The following OLFM3 variants were observed in gnomAD, a reference collection of about 807,000 sequenced individuals.
OLFM3 encodes noelin-3.
In OLFM3, 20 loss-of-function variants were observed where a neutral mutation model predicts 48.6. The ratio of observed to expected loss-of-function variants is 0.41; its 90% CI spans 0.29 to 0.60. The LOEUF is 0.60. OLFM3 is among the 20% of genes least tolerant of loss of function. OLFM3 has a pLI of 0.28. For missense variants in OLFM3, 437 were observed against 544.3 expected (o/e 0.80, Z 1.96); for synonymous variants, 222 against 198.1 (o/e 1.12, Z -1.01).
At chr1:101,832,163 A>G (rs1655188071) in intron 2 of OLFM3, among the ~76,000 whole-genome samples, 1 of 152,242 alleles carries the variant, frequency 6.6e-6, no homozygotes, top group Non-Finnish European at 1.5e-5. Context: ...TGCTGGGATT[A>G]CAGGTGTGAG....
chr1:101,850,350 CT>C (rs1656176308), intron 1 of OLFM3, among the ~76,000 whole-genome samples: 1 of 151,728 alleles, frequency 6.6e-6, no homozygotes. Flanking sequence ...GTAGCCTGTC[CT>C]TTTTATTACC....
intron 1 of OLFM3, among the ~76,000 whole-genome samples, chr1:101,916,585 G>T (rs935722106): frequency 1.3e-5 from 2 of 152,068 alleles, no homozygotes; most frequent in Non-Finnish European, 2.9e-5. Context: ...TACAATTAGA[G>T]CAACTGTAGT....
intron 1 of OLFM3, among the ~76,000 whole-genome samples, chr1:101,909,623 A>G (rs1030635641): frequency 5.3e-5 from 8 of 152,228 alleles, no homozygotes; most frequent in African/African-American, 1.9e-4. Flanking sequence ...CATTCTGCAT[A>G]TAAGTGTGAG....
chr1:101,915,052 C>T (rs1658876790), intron 1 of OLFM3, among the ~76,000 whole-genome samples: 1 of 152,004 alleles, frequency 6.6e-6, no homozygotes, highest in Admixed American at 6.6e-5. Context: ...TCAAGAGCTC[C>T]AAAAATTATA....
chr1:101,828,673 C>G (rs889442764), intron 3 of OLFM3, among the ~76,000 whole-genome samples: 4 of 152,148 alleles, frequency 2.6e-5, no homozygotes, highest in African/African-American at 9.7e-5. Context: ...CATTCCCCAG[C>G]CCTGTCAACC....
intron 1 of OLFM3, among the ~76,000 whole-genome samples, chr1:101,941,207 G>A (rs377478390): frequency 6.6e-6 from 1 of 152,124 alleles, no homozygotes. Flanking sequence ...GATCAACCAC[G>A]GCAGTGGCAG....
At chr1:101,832,705 T>C (rs1258449417) in intron 2 of OLFM3, among the ~76,000 whole-genome samples, 1 of 152,200 alleles carries the variant, frequency 6.6e-6, no homozygotes, top group Admixed American at 6.5e-5. Context: ...TAAAATTATC[T>C]TGGGTTTGTA....
chr1:101,958,838 T>TATAC (rs1553183324), intron 1 of OLFM3, among the ~76,000 whole-genome samples: 1,023 of 20,360 alleles, frequency 0.05, 2 homozygotes, highest in Non-Finnish European at 0.07. Context: ...AGTGATATTA[T>TATAC]ATATATATAT....
chr1:101,878,203 AT>A (rs1557712934), intron 1 of OLFM3, among the ~76,000 whole-genome samples: 2 of 151,802 alleles, frequency 1.3e-5, no homozygotes, highest in African/African-American at 4.8e-5. Context: ...TGTGGGTACT[AT>A]TTTTTTAATT....
chr1:101,851,994 A>T (rs1656238975), intron 1 of OLFM3, among the ~76,000 whole-genome samples: 2 of 152,014 alleles, frequency 1.3e-5, no homozygotes, highest in Non-Finnish European at 2.9e-5. Flanking sequence ...TTCTTGGCCC[A>T]CCCTTTGAGT....
intron 1 of OLFM3, among the ~76,000 whole-genome samples, chr1:101,940,529 G>GTCTA (rs201171605): frequency 0.011 from 1,686 of 150,922 alleles, 16 homozygotes; most frequent in Non-Finnish European, 0.012. Flanking sequence ...TATATCATCT[G>GTCTA]TCTATCTATC....
chr1:101,884,667 T>C (rs1012081124), intron 1 of OLFM3, among the ~76,000 whole-genome samples: 2 of 151,956 alleles, frequency 1.3e-5, no homozygotes, highest in Non-Finnish European at 2.9e-5. Context: ...AAGGAAAAGA[T>C]AAATACCAGC....
chr1:101,910,771 A>T (rs1307949205), intron 1 of OLFM3, among the ~76,000 whole-genome samples: 1 of 152,206 alleles, frequency 6.6e-6, no homozygotes, highest in Non-Finnish European at 1.5e-5. Context: ...ACAATGAAGA[A>T]TTAGTACTTT....
intron 1 of OLFM3, chr1:101,846,994 T>A: frequency 8.8e-6 from 14 of 1,598,598 alleles, no homozygotes; most frequent in Non-Finnish European, 1.2e-5. Context: ...CTAATGAGTT[T>A]TCATAGTGAC....
intron 1 of OLFM3, among the ~76,000 whole-genome samples, chr1:101,956,869 G>T (rs574431722): frequency 3.3e-5 from 5 of 151,870 alleles, no homozygotes; most frequent in African/African-American, 1.2e-4. Flanking sequence ...TCTTAACTCT[G>T]TGTCCATATA....
At chr1:101,936,342 C>T (rs1392638086) in intron 1 of OLFM3, among the ~76,000 whole-genome samples, 1 of 151,866 alleles carries the variant, frequency 6.6e-6, no homozygotes, top group African/African-American at 2.4e-5. Context: ...GAGATCCAAA[C>T]GAAAAATGCA....
intron 1 of OLFM3, among the ~76,000 whole-genome samples, chr1:101,922,213 T>C (rs1054533011): frequency 1.3e-5 from 2 of 152,232 alleles, no homozygotes; most frequent in African/African-American, 4.8e-5. Context: ...TCTTTCTTCA[T>C]CTTTAATACT....
At chr1:101,871,223 T>C (rs1250958678) in intron 1 of OLFM3, among the ~76,000 whole-genome samples, 1 of 152,130 alleles carries the variant, frequency 6.6e-6, no homozygotes, top group African/African-American at 2.4e-5. Context: ...GGAATGAATA[T>C]GTTTTAAGAC....
At chr1:101,853,414 A>G (rs1010764362) in intron 1 of OLFM3, among the ~76,000 whole-genome samples, 11 of 151,886 alleles carry the variant, frequency 7.2e-5, no homozygotes, top group Non-Finnish European at 1.6e-4. Flanking sequence ...TGGTTGCTTT[A>G]TATTGTCTTT....
Sources: allele counts gnomAD v4.1 joint callset (sites outside exome capture counted in the v4.1 genomes callset), GRCh38; gene constraint gnomAD v4.1.1; transcripts MANE v1.5; gene names NCBI Gene and HGNC (gene_info 2026-07-23, HGNC 2026-07-21).